The following NRG3 variants were observed in gnomAD, a reference collection of about 807,000 sequenced individuals.
NRG3 encodes the protein pro-neuregulin-3, membrane-bound isoform.
In NRG3, 31 loss-of-function variants were observed where a neutral mutation model predicts 66.9. The observed-to-expected ratio is 0.46, with a 90% CI of 0.35 to 0.63. NRG3 has a LOEUF of 0.63. NRG3 is among the 20% of genes least tolerant of loss of function. The pLI is 0.00. For missense variants in NRG3, 910 were observed against 878.9 expected (o/e 1.04, Z -0.45); for synonymous variants, 393 against 359.4 (o/e 1.09, Z -1.06).
At chr10:82,351,886 C>G (rs983031928) in intron 1 of NRG3, among the ~76,000 whole-genome samples, 1 of 152,218 alleles carries the variant, frequency 6.6e-6, no homozygotes, top group Non-Finnish European at 1.5e-5. Context: ...ATGGCAAGCC[C>G]TACTACCGTC....
intron 2 of NRG3, among the ~76,000 whole-genome samples, chr10:82,609,277 T>G (rs984900194): frequency 6.6e-6 from 1 of 152,196 alleles, no homozygotes; most frequent in African/African-American, 2.4e-5. Context: ...AATAACGTGA[T>G]TCTATCCTTG....
At chr10:82,752,790 G>A (rs936228164) in intron 3 of NRG3, among the ~76,000 whole-genome samples, 9 of 152,120 alleles carry the variant, frequency 5.9e-5, no homozygotes, top group South Asian at 2.1e-4. Context: ...GCAAGAAGAC[G>A]CAGTATAAGT....
At chr10:82,542,630 G>A (rs1590589995) in intron 2 of NRG3, among the ~76,000 whole-genome samples, 2 of 152,324 alleles carry the variant, frequency 1.3e-5, no homozygotes, top group Non-Finnish European at 2.9e-5. Context: ...AACATCATAA[G>A]TAATGGAACA....
At chr10:82,283,790 C>G (rs2079253555) in intron 1 of NRG3, among the ~76,000 whole-genome samples, 1 of 152,094 alleles carries the variant, frequency 6.6e-6, no homozygotes, top group Non-Finnish European at 1.5e-5. Flanking sequence ...CATCTCGAGT[C>G]CCAATTCACA....
At chr10:82,693,618 G>A (rs2055123162) in intron 2 of NRG3, among the ~76,000 whole-genome samples, 1 of 152,122 alleles carries the variant, frequency 6.6e-6, no homozygotes, top group South Asian at 2.1e-4. Context: ...AAATAAAATT[G>A]TGTCCAGAAT....
intron 1 of NRG3, among the ~76,000 whole-genome samples, chr10:82,009,045 C>T (rs1247582195): frequency 3.3e-5 from 5 of 152,102 alleles, no homozygotes; most frequent in African/African-American, 9.7e-5. Flanking sequence ...ACTACAGTTT[C>T]GTTAAGATGT....
At chr10:82,260,983 G>A (rs887317555) in intron 1 of NRG3, among the ~76,000 whole-genome samples, 1 of 152,100 alleles carries the variant, frequency 6.6e-6, no homozygotes, top group Non-Finnish European at 1.5e-5. Flanking sequence ...CATGGGGCAG[G>A]TTGCTCATGA....
chr10:82,013,894 A>G (rs947253613), intron 1 of NRG3, among the ~76,000 whole-genome samples: 2 of 152,180 alleles, frequency 1.3e-5, no homozygotes, highest in African/African-American at 4.8e-5. Flanking sequence ...GAACTCAAAT[A>G]GATGAAATGT....
intron 1 of NRG3, among the ~76,000 whole-genome samples, chr10:82,276,233 A>T (rs1005158594): frequency 7.2e-5 from 11 of 152,034 alleles, no homozygotes; most frequent in African/African-American, 2.7e-4. Context: ...TGTAAACAGT[A>T]AATACACTAC....
intron 2 of NRG3, among the ~76,000 whole-genome samples, chr10:82,643,670 GTT>G (rs1428404072): frequency 6.6e-6 from 1 of 151,960 alleles, no homozygotes; most frequent in Non-Finnish European, 1.5e-5. Context: ...AAATTTATCT[GTT>G]TTTCTTACAC....
intron 2 of NRG3, among the ~76,000 whole-genome samples, chr10:82,486,619 G>T (rs868098127): frequency 5.9e-5 from 9 of 152,018 alleles, no homozygotes; most frequent in African/African-American, 2.2e-4. Context: ...TCACCATGTT[G>T]GCGAGGCTGG....
intron 1 of NRG3, among the ~76,000 whole-genome samples, chr10:81,998,521 C>T (rs1448655982): frequency 2.0e-5 from 3 of 152,060 alleles, no homozygotes; most frequent in South Asian, 2.1e-4. Context: ...CAAACTGGGC[C>T]GCAGAGTCGA....
At chr10:82,101,657 A>T (rs1430502526) in intron 1 of NRG3, among the ~76,000 whole-genome samples, 1 of 151,692 alleles carries the variant, frequency 6.6e-6, no homozygotes, top group African/African-American at 2.4e-5. Flanking sequence ...TATGTAATTG[A>T]TTTACAGTTC....
chr10:82,871,548 G>T (rs537834011), intron 4 of NRG3, among the ~76,000 whole-genome samples: 10 of 151,976 alleles, frequency 6.6e-5, no homozygotes, highest in Non-Finnish European at 1.0e-4. Context: ...TCCTATTCAC[G>T]AACATGGAAT....
At chr10:82,639,135 C>T (rs2050395462) in intron 2 of NRG3, among the ~76,000 whole-genome samples, 1 of 152,122 alleles carries the variant, frequency 6.6e-6, no homozygotes. Flanking sequence ...TCTTAATCTT[C>T]CTGCTGTATA....
intron 2 of NRG3, among the ~76,000 whole-genome samples, chr10:82,727,545 C>G: frequency 6.6e-6 from 1 of 152,186 alleles, no homozygotes; most frequent in East Asian, 1.9e-4. Context: ...TTGGAAACCT[C>G]TGCCTAGATT....
At chr10:82,751,178 T>C (rs1178134953) in intron 3 of NRG3, among the ~76,000 whole-genome samples, 1 of 152,160 alleles carries the variant, frequency 6.6e-6, no homozygotes, top group Non-Finnish European at 1.5e-5. Flanking sequence ...CTGTCAGTGG[T>C]CAATTATACT....
chr10:82,017,429 T>C (rs1366476005), intron 1 of NRG3, among the ~76,000 whole-genome samples: 2 of 152,196 alleles, frequency 1.3e-5, no homozygotes, highest in African/African-American at 4.8e-5. Context: ...AGCAGCATGA[T>C]TTATAGTCCT....
At chr10:82,742,178 A>G (rs1370353487) in intron 3 of NRG3, among the ~76,000 whole-genome samples, 2 of 152,104 alleles carry the variant, frequency 1.3e-5, no homozygotes, top group Non-Finnish European at 1.5e-5. Context: ...GCAGGGGGTG[A>G]GAAACCGCTG....
Sources: allele counts gnomAD v4.1 joint callset (sites outside exome capture counted in the v4.1 genomes callset), GRCh38; gene constraint gnomAD v4.1.1; transcripts MANE v1.5; gene names NCBI Gene and HGNC (gene_info 2026-07-23, HGNC 2026-07-21).